SMARCA2: variants seen among roughly 807,000 people sequenced by gnomAD.
SMARCA2 encodes SWI/SNF related BAF chromatin remodeling complex subunit ATPase 2.
SMARCA2 carries 61 observed loss-of-function variants against 199.8 expected under a neutral mutation model. The observed-to-expected ratio is 0.31, with a 90% CI of 0.25 to 0.38. SMARCA2 has a LOEUF of 0.38. Ranked by LOEUF, SMARCA2 falls within the 10% of genes least tolerant of loss-of-function variation. The probability of loss-of-function intolerance (pLI) is 1.00; values close to 1 mark genes in which losing one functional copy is unlikely to be tolerated. For synonymous variants in SMARCA2, 935 were observed against 732.0 expected, an observed-to-expected ratio of 1.28 and a Z score of -4.48; for missense variants, 1,344 against 2,012.2, an observed-to-expected ratio of 0.67 and a Z score of 6.35.
At position 2,060,718 on chromosome 9, in the gene SMARCA2, C is replaced by T. The variant is rs555806103; in HGVS notation, c.1522-98C>T. 1.6e-4 allele frequency: 184 copies of T among 1,141,950 alleles called. 3 individuals carry two copies. In the Middle Eastern group the frequency reaches 0.013, roughly 83 times the overall value. 70.7% of individuals were successfully genotyped at this position (1,141,950 alleles called of 1,614,324 possible). On this transcript the variant is annotated intron_variant, in intron 8 of 33. Coordinates refer to ENST00000349721, the MANE Select transcript of SMARCA2 (RefSeq NM_003070.5). ...CTCATCCAGTTTGCTACACTCCTACCAGTCAAAATGCAGACTGTCAAGGGG... is the reference window on the plus strand; with the variant it reads ...CTCATCCAGTTTGCTACACTCCTACTAGTCAAAATGCAGACTGTCAAGGGG...
chr9:2,071,844 C>G (rs1045158375), intron 10 of SMARCA2, among the ~76,000 whole-genome samples: 7 of 152,040 alleles, frequency 4.6e-5, no homozygotes, highest in African/African-American at 1.7e-4. Context: ...TTCTTTATCT[C>G]TTGAGTATAT....
rs554272289 is a variant in SMARCA2, at chr9:2,107,357, C to T, written c.3293-2897C>T. Among the ~76,000 whole-genome samples, 18 of 152,290 alleles carry T rather than the reference C, an allele frequency of 1.2e-4. 1 individual carries two copies. The South Asian group carries it at 3.3e-3, about 28-fold the overall frequency. On this transcript the variant is annotated intron_variant, in intron 23 of 33. Transcript: ENST00000349721. ...ATTTTATTTTATTGAGACGGAGTCTCGCTCTGTCCCCCAGGCTGGAGTGCA... is the reference window on the plus strand; with the variant it reads ...ATTTTATTTTATTGAGACGGAGTCTTGCTCTGTCCCCCAGGCTGGAGTGCA...
Position 2,104,241 on chromosome 9 carries a change from ATCTCAGCC to A in SMARCA2, c.3292+73_3292+80del. On this transcript the variant is annotated intron_variant, in intron 23 of 33. Coordinates refer to ENST00000349721, the MANE Select transcript of SMARCA2 (RefSeq NM_003070.5). This position sits in a 1 kb window ranked among gnomAD's most constrained non-coding sequence, Gnocchi z 4.0. The stretch of plus-strand genomic sequence containing the variant: ...AAGGGATAATGGGCACTTAGGTCCA[ATCTCAGCC>A]AAAAAGAAGGGGTAAAATTGAAGAA... 2 of 1,353,470 alleles carry A rather than the reference ATCTCAGCC, an allele frequency of 1.5e-6. No individual in the cohort carries two copies. The highest frequency in any genetic ancestry group is 2.0e-6 in the Non-Finnish European group (2 of 976,706). 83.8% of individuals were successfully genotyped at this position (1,353,470 alleles called of 1,614,324 possible). A position where few individuals can be genotyped will look rare whatever the true frequency, so the allele number is the denominator to read the frequency against.
At chr9:2,071,688 C>G (rs891767455) in intron 10 of SMARCA2, among the ~76,000 whole-genome samples, 1 of 152,170 alleles carries the variant, frequency 6.6e-6, no homozygotes, top group Non-Finnish European at 1.5e-5. Flanking sequence ...TCATTCAGCG[C>G]TTTTGCCAAG....
chr9:2,102,591 T>C (rs1458539122), intron 22 of SMARCA2, among the ~76,000 whole-genome samples: 1 of 152,178 alleles, frequency 6.6e-6, no homozygotes, highest in African/African-American at 2.4e-5. Context: ...AACACAGTCC[T>C]GTTGATAAAA....
rs929137567 is a variant in SMARCA2 at position 2,123,654 on chromosome 9, G to A, written c.3763-65G>A. On this transcript the variant is annotated intron_variant, in intron 26 of 33. Transcript: ENST00000349721. This position sits in a 1 kb window ranked among gnomAD's most constrained non-coding sequence, Gnocchi z 4.1. ...GGAAGTGACTTGGGGAAGTTGTGTA[G>A]TGCTGGGAAGTCTGCACCATACAGA... 13 of 1,399,894 alleles carry A rather than the reference G, an allele frequency of 9.3e-6. No homozygotes were observed. In the African/African-American group the frequency reaches 1.8e-4, roughly 20 times the overall value. The allele number at this position is 1,399,894 out of a possible 1,614,324, so 86.7% of individuals were successfully genotyped here. A position where few individuals can be genotyped will look rare whatever the true frequency, so the allele number is the denominator to read the frequency against.
intron 27 of SMARCA2, among the ~76,000 whole-genome samples, chr9:2,138,510 T>C (rs2130676641): frequency 6.6e-6 from 1 of 152,316 alleles, no homozygotes; most frequent in South Asian, 2.1e-4. Flanking sequence ...TTGTAGAACC[T>C]TTTTCCAAAG....
intron 1 of SMARCA2, among the ~76,000 whole-genome samples, chr9:2,021,293 C>G (rs1818590276): frequency 6.6e-6 from 1 of 151,822 alleles, no homozygotes; most frequent in Non-Finnish European, 1.5e-5. Flanking sequence ...TTGAAACTCC[C>G]TCCTTTAAAA....
At position 2,115,866 on chromosome 9, in the gene SMARCA2, C is replaced by T. The variant is rs751419673; in HGVS notation, c.3501C>T (p.Asn1167=). 4 of 1,614,008 alleles carry T rather than the reference C, an allele frequency of 2.5e-6. No homozygotes were observed. The Admixed American group carries it at 5.0e-5, about 20-fold the overall frequency. The part of the protein sequence containing the change: ...QDRAHRIGQQ[N]EVRVLRLCTV... The stretch of plus-strand genomic sequence containing the variant: ...GAGCTCACCGCATCGGGCAGCAGAA[C>T]GAGGTCCGGGTACTGAGGCTCTGTA... The change falls in exon 25 of 34, where the codon AAC becomes AAT. Residue 1167 remains asparagine (N), a synonymous_variant. Coordinates refer to ENST00000349721, the MANE Select transcript of SMARCA2 (RefSeq NM_003070.5). This position sits in a 1 kb window ranked among gnomAD's most constrained non-coding sequence, Gnocchi z 6.0.
chr9:2,075,752 G>A (rs1418301383), intron 12 of SMARCA2, among the ~76,000 whole-genome samples: 1 of 152,088 alleles, frequency 6.6e-6, no homozygotes, highest in Non-Finnish European at 1.5e-5. Flanking sequence ...CTGCCTCCTG[G>A]GTTCAAGCGA....
chr9:2,106,622 A>T (rs932061938), intron 23 of SMARCA2, among the ~76,000 whole-genome samples: 8 of 152,186 alleles, frequency 5.3e-5, no homozygotes, highest in African/African-American at 1.7e-4. Flanking sequence ...CCACCCAATT[A>T]TTAAAATGAC....
At chr9:2,087,744 A>G (rs1586691557) in intron 18 of SMARCA2, among the ~76,000 whole-genome samples, 1 of 152,220 alleles carries the variant, frequency 6.6e-6, no homozygotes, top group Non-Finnish European at 1.5e-5. Flanking sequence ...TTCCTCATTC[A>G]TAGGAATGAA....
intron 29 of SMARCA2, among the ~76,000 whole-genome samples, chr9:2,172,249 T>A (rs1253742361): frequency 2.5e-4 from 36 of 146,178 alleles, no homozygotes; most frequent in African/African-American, 8.8e-4. Flanking sequence ...AAAAAAAAAA[T>A]GAATTAAATG....
chr9:2,044,572 C>T (rs931941443), intron 4 of SMARCA2: 1 of 152,222 alleles, frequency 6.6e-6, no homozygotes, highest in African/African-American at 2.4e-5. Flanking sequence ...CAGGTAGACA[C>T]TGTTATCTCA....
chr9:2,054,559 C>A (rs752730298), intron 5 of SMARCA2, 38 bp from the exon 6 acceptor site: 4 of 1,596,952 alleles, frequency 2.5e-6, no homozygotes, highest in African/African-American at 1.3e-5. Flanking sequence ...ATGTGTTTTT[C>A]CCCTGCCCCC....
chr9:2,019,616 AT>A (rs901119053), intron 1 of SMARCA2, among the ~76,000 whole-genome samples: 1 of 152,084 alleles, frequency 6.6e-6, no homozygotes, highest in Non-Finnish European at 1.5e-5. Context: ...AGTATTTAAA[AT>A]TTTTTTCTTT....
chr9:2,057,939 C>T (rs551552503), intron 7 of SMARCA2, among the ~76,000 whole-genome samples: 14 of 152,284 alleles, frequency 9.2e-5, no homozygotes, highest in African/African-American at 3.1e-4. Flanking sequence ...TCATGTTCCT[C>T]AGGTTTATTT....
chr9:2,021,584 T>C (rs1164623951), intron 1 of SMARCA2, among the ~76,000 whole-genome samples: 1 of 152,212 alleles, frequency 6.6e-6, no homozygotes, highest in Non-Finnish European at 1.5e-5. Context: ...TCTTCCCCCC[T>C]GTGCTTTGTT....
At chr9:2,153,081 C>T (rs931470280) in intron 27 of SMARCA2, among the ~76,000 whole-genome samples, 4 of 152,048 alleles carry the variant, frequency 2.6e-5, no homozygotes, top group Non-Finnish European at 5.9e-5. Flanking sequence ...AAAACAAAGT[C>T]ACAGTAAAGG....
Sources: allele counts gnomAD v4.1 joint callset (sites outside exome capture counted in the v4.1 genomes callset), GRCh38; gene constraint gnomAD v4.1.1; non-coding constraint Gnocchi (gnomAD v3.1); transcripts MANE v1.5; gene names NCBI Gene and HGNC (gene_info 2026-07-23, HGNC 2026-07-21).